CDH13: variants seen among roughly 807,000 people sequenced by gnomAD.
CDH13 encodes the protein cadherin 13, also known as cadherin-13.
In CDH13, 24 loss-of-function variants were observed where a neutral mutation model predicts 63.8. The ratio of observed to expected loss-of-function variants is 0.38; its 90% CI spans 0.27 to 0.53. CDH13 has a LOEUF of 0.53. Among genes scored for constraint, CDH13 ranks in the 20% least tolerant of loss-of-function variants. CDH13 has a pLI of 0.85. For synonymous variants in CDH13, 503 were observed against 355.3 expected (o/e 1.42, Z -4.67); for missense variants, 1,049 against 903.1 (o/e 1.16, Z -2.07).
intron 2 of CDH13, among the ~76,000 whole-genome samples, chr16:82,983,558 A>AC (rs1910560330): frequency 6.6e-6 from 1 of 152,200 alleles, no homozygotes; most frequent in Non-Finnish European, 1.5e-5. Flanking sequence ...CTTGGCACCA[A>AC]GAAGAGAATG....
intron 7 of CDH13, among the ~76,000 whole-genome samples, chr16:83,536,796 G>A (rs888575006): frequency 2.0e-5 from 3 of 152,130 alleles, no homozygotes; most frequent in Admixed American, 6.6e-5. Flanking sequence ...GTGCCACTTC[G>A]AGGGCTGTTT....
intron 5 of CDH13, among the ~76,000 whole-genome samples, chr16:83,260,228 A>G (rs930578514): frequency 3.3e-5 from 5 of 152,058 alleles, no homozygotes; most frequent in African/African-American, 1.2e-4. Context: ...GTTACTTAAA[A>G]TACTGGTCAT....
chr16:82,971,100 C>T (rs4782740), intron 2 of CDH13, among the ~76,000 whole-genome samples: 18,538 of 152,168 alleles, frequency 0.12, 1,317 homozygotes, highest in East Asian at 0.16. Context: ...CTGAGAACAG[C>T]CAGGCCTCAA....
At chr16:83,579,444 G>A (rs879703983) in intron 7 of CDH13, among the ~76,000 whole-genome samples, 1 of 152,128 alleles carries the variant, frequency 6.6e-6, no homozygotes, top group Non-Finnish European at 1.5e-5. Flanking sequence ...AGGGGAAGTA[G>A]GTATGTCTTA....
At chr16:83,785,911 C>T (rs553772501) in intron 13 of CDH13, among the ~76,000 whole-genome samples, 4 of 152,308 alleles carry the variant, frequency 2.6e-5, no homozygotes, top group Admixed American at 2.6e-4. Flanking sequence ...GACATTCTAA[C>T]AGTGTCCTCC....
chr16:82,872,899 A>T (rs2040392336), intron 2 of CDH13, among the ~76,000 whole-genome samples: 1 of 151,896 alleles, frequency 6.6e-6, no homozygotes, highest in Non-Finnish European at 1.5e-5. Flanking sequence ...TGAATCAGAT[A>T]AAAAATGTGC....
At chr16:83,518,208 G>C (rs1357067189) in intron 7 of CDH13, among the ~76,000 whole-genome samples, 1 of 151,040 alleles carries the variant, frequency 6.6e-6, no homozygotes, top group Non-Finnish European at 1.5e-5. Context: ...GCAGTGGCGT[G>C]ATCTTGGCTC....
chr16:82,901,591 G>C (rs1467864488), intron 2 of CDH13, among the ~76,000 whole-genome samples: 1 of 152,242 alleles, frequency 6.6e-6, no homozygotes, highest in South Asian at 2.1e-4. Context: ...AAGGCATGTT[G>C]CTTGGGGTAT....
At chr16:83,023,691 A>G (rs934356461) in intron 2 of CDH13, among the ~76,000 whole-genome samples, 1 of 152,324 alleles carries the variant, frequency 6.6e-6, no homozygotes, top group South Asian at 2.1e-4. Context: ...CAATTCACAT[A>G]TGGTCTTGAT....
chr16:83,091,362 T>A lies in CDH13; in HGVS notation c.367-34023T>A, dbSNP rs115093377. On this transcript the variant is annotated intron_variant, in intron 3 of 13. Coordinates refer to ENST00000567109, the MANE Select transcript of CDH13 (RefSeq NM_001257.5). Reference sequence around the variant, plus strand: ...TTCTCAGTCAGTAGTAGGAGGCATATTTTTCCCATTCAATGTAGTTTGAGA... The same window carrying A: ...TTCTCAGTCAGTAGTAGGAGGCATAATTTTCCCATTCAATGTAGTTTGAGA... Among the ~76,000 whole-genome samples the A allele has an allele frequency of 6.7e-3, 1,026 of 152,342 alleles. 17 individuals are homozygous for A. Among genetic ancestry groups the A allele is most frequent in the African/African-American group, 0.022 (916 of 41,574 alleles).
chr16:83,553,688 T>C (rs1235583179), intron 7 of CDH13, among the ~76,000 whole-genome samples: 2 of 152,240 alleles, frequency 1.3e-5, no homozygotes, highest in East Asian at 1.9e-4. Context: ...TCCCAAGTAG[T>C]TGGGATTACA....
At chr16:83,648,017 G>A (rs949494429) in intron 8 of CDH13, among the ~76,000 whole-genome samples, 1 of 152,178 alleles carries the variant, frequency 6.6e-6, no homozygotes, top group Non-Finnish European at 1.5e-5. Context: ...TAAGGAAACT[G>A]GAGTCTAGTG....
chr16:83,695,115 G>T (rs1157113447), intron 10 of CDH13, among the ~76,000 whole-genome samples: 1 of 152,170 alleles, frequency 6.6e-6, no homozygotes, highest in Admixed American at 6.5e-5. Context: ...GCTAAGGCAG[G>T]AGAATCGCTT....
intron 3 of CDH13, among the ~76,000 whole-genome samples, chr16:83,111,975 T>C (rs945203244): frequency 6.6e-6 from 1 of 152,216 alleles, no homozygotes; most frequent in Admixed American, 6.5e-5. Flanking sequence ...ATTCCTTAAA[T>C]ATCAATATGT....
chr16:83,081,699 G>A (rs1442964155), intron 3 of CDH13, among the ~76,000 whole-genome samples: 1 of 152,010 alleles, frequency 6.6e-6, no homozygotes, highest in Non-Finnish European at 1.5e-5. Context: ...GAGAGAGAGA[G>A]AGAGAGAAAG....
intron 2 of CDH13, among the ~76,000 whole-genome samples, chr16:82,912,315 T>A (rs914104902): frequency 1.3e-5 from 2 of 152,212 alleles, no homozygotes; most frequent in Non-Finnish European, 2.9e-5. Flanking sequence ...AAATTAAACC[T>A]GAGCCAGCTA....
chr16:83,440,194 T>C (rs933534934), intron 6 of CDH13, among the ~76,000 whole-genome samples: 13 of 152,332 alleles, frequency 8.5e-5, no homozygotes, highest in African/African-American at 2.4e-4. Flanking sequence ...CATTTAAATG[T>C]GGCAGCATTA....
chr16:82,957,603 T>C (rs997913724), intron 2 of CDH13, among the ~76,000 whole-genome samples: 10 of 152,196 alleles, frequency 6.6e-5, no homozygotes, highest in African/African-American at 2.4e-4. Context: ...TGAACAAACA[T>C]GCAGGGCAGT....
At chr16:83,254,956 T>TTTCTTTCG (rs1567542222) in intron 5 of CDH13, among the ~76,000 whole-genome samples, 288 of 3,890 alleles carry the variant, frequency 0.074, 4 homozygotes, top group African/African-American at 0.079. Context: ...TTTCTCTTTC[T>TTTCTTTCG]TTCTTTCTTT....
Sources: allele counts gnomAD v4.1 joint callset (sites outside exome capture counted in the v4.1 genomes callset), GRCh38; gene constraint gnomAD v4.1.1; transcripts MANE v1.5; gene names NCBI Gene and HGNC (gene_info 2026-07-23, HGNC 2026-07-21).